Variants in ROBO1 observed in about 807,000 individuals in gnomAD.
The protein encoded by ROBO1 is roundabout homolog 1.
In ROBO1, 149 loss-of-function variants were observed where a neutral mutation model predicts 195.9. The observed-to-expected ratio is 0.76, with a 90% CI of 0.67 to 0.87. ROBO1 has a LOEUF of 0.87. ROBO1 is among the 40% of genes least tolerant of loss of function. The probability of loss-of-function intolerance (pLI) is 0.00; values close to 1 mark genes in which losing one functional copy is unlikely to be tolerated. For synonymous variants in ROBO1, 816 were observed against 733.2 expected (o/e 1.11, Z -1.82); for missense variants, 1,933 against 2,068.3 (o/e 0.93, Z 1.27).
At chr3:79,559,835 T>G (rs1279820266) in intron 2 of ROBO1, among the ~76,000 whole-genome samples, 1 of 152,098 alleles carries the variant, frequency 6.6e-6, no homozygotes, top group Non-Finnish European at 1.5e-5. Flanking sequence ...GAGAATTGCT[T>G]GAACCCGGGA....
chr3:79,001,935 T>G (rs927203242), intron 3 of ROBO1, among the ~76,000 whole-genome samples: 2 of 152,192 alleles, frequency 1.3e-5, no homozygotes, highest in Non-Finnish European at 2.9e-5. Flanking sequence ...AGAAATGCTT[T>G]TTTTTAGAAA....
intron 8 of ROBO1, among the ~76,000 whole-genome samples, chr3:78,703,628 G>A (rs1453338620): frequency 6.6e-6 from 1 of 152,008 alleles, no homozygotes; most frequent in Non-Finnish European, 1.5e-5. Context: ...AGAAGGAGAA[G>A]AAAGACACAC....
At chr3:79,516,791 T>C (rs1037818660) in intron 2 of ROBO1, among the ~76,000 whole-genome samples, 2 of 152,216 alleles carry the variant, frequency 1.3e-5, no homozygotes, top group African/African-American at 4.8e-5. Flanking sequence ...TGAATATATA[T>C]TAATTCACAT....
intron 3 of ROBO1, among the ~76,000 whole-genome samples, chr3:79,044,278 A>G (rs905724508): frequency 6.6e-6 from 1 of 152,094 alleles, no homozygotes; most frequent in African/African-American, 2.4e-5. Context: ...AAAAATGCTT[A>G]ACTTTCCACT....
intron 10 of ROBO1, among the ~76,000 whole-genome samples, chr3:78,678,703 A>C (rs969533459): frequency 1.3e-5 from 2 of 152,190 alleles, no homozygotes; most frequent in Non-Finnish European, 2.9e-5. Context: ...AACCAAAAAG[A>C]GTCCAGGACC....
chr3:79,401,196 A>T (rs1370688173), intron 2 of ROBO1, among the ~76,000 whole-genome samples: 1 of 151,766 alleles, frequency 6.6e-6, no homozygotes, highest in African/African-American at 2.4e-5. Flanking sequence ...TTAAAAAAAA[A>T]TTAGCTCTAA....
chr3:79,590,400 TG>T (rs754125888), intron 1 of ROBO1, among the ~76,000 whole-genome samples: 5 of 151,756 alleles, frequency 3.3e-5, no homozygotes, highest in African/African-American at 1.2e-4. Flanking sequence ...ACAAAAAACT[TG>T]CTCTTCACCC....
intron 3 of ROBO1, among the ~76,000 whole-genome samples, chr3:79,099,036 AT>A (rs1190022541): frequency 1.3e-5 from 2 of 151,672 alleles, no homozygotes; most frequent in African/African-American, 4.8e-5. Context: ...TATGTGACTA[AT>A]TTTTTTATAT....
At chr3:78,648,682 A>G (rs1706453550) in intron 19 of ROBO1, among the ~76,000 whole-genome samples, 1 of 127,332 alleles carries the variant, frequency 7.9e-6, no homozygotes, top group African/African-American at 3.6e-5. Context: ...TGCTCTGGTT[A>G]AAAAAAAAAA....
chr3:79,430,441 G>T (rs2107022310), intron 2 of ROBO1, among the ~76,000 whole-genome samples: 1 of 152,152 alleles, frequency 6.6e-6, no homozygotes, highest in East Asian at 1.9e-4. Flanking sequence ...AACTTAAATT[G>T]ATTTCATTTT....
intron 2 of ROBO1, among the ~76,000 whole-genome samples, chr3:79,133,884 G>C (rs2080343068): frequency 6.6e-6 from 1 of 151,036 alleles, no homozygotes; most frequent in South Asian, 2.1e-4. Flanking sequence ...CTTTCTGGTT[G>C]TTAGTTTTCC....
At chr3:79,760,257 A>AAAAAAAAAAAAAAAGAAAAAAAAAAG in intron 1 of ROBO1, among the ~76,000 whole-genome samples, 1 of 145,892 alleles carries the variant, frequency 6.9e-6, no homozygotes, top group Non-Finnish European at 1.5e-5. Flanking sequence ...AAAAAAAAAA[A>AAAAAAAAAAAAAAAGAAAAAAAAAAG]AAAAAAAAAA....
chr3:78,907,043 T>C (rs937713724), intron 4 of ROBO1, among the ~76,000 whole-genome samples: 3 of 152,068 alleles, frequency 2.0e-5, no homozygotes, highest in African/African-American at 7.2e-5. Flanking sequence ...GGAGAAGTAT[T>C]TGCATAGCCT....
At chr3:78,711,376 TTCCTTCCTTCCTTCCTTCCTTC>T (rs2081714863) in intron 8 of ROBO1, among the ~76,000 whole-genome samples, 9 of 29,004 alleles carry the variant, frequency 3.1e-4, no homozygotes, top group African/African-American at 4.4e-4. Context: ...CCTTCCTTCC[TTCCTTCCTTCCTTCCTTCCTTC>T]CTTTCTTTCT....
intron 25 of ROBO1, among the ~76,000 whole-genome samples, chr3:78,630,549 T>G (rs57799251): frequency 0.29 from 44,521 of 151,984 alleles, 6,676 homozygotes; most frequent in African/African-American, 0.32. Flanking sequence ...TTAAAGGAGT[T>G]TTCCCCCTTT....
At chr3:79,618,399 C>T (rs939039009) in intron 1 of ROBO1, among the ~76,000 whole-genome samples, 1 of 152,108 alleles carries the variant, frequency 6.6e-6, no homozygotes, top group Admixed American at 6.5e-5. Context: ...ATAGCCAATT[C>T]CTGCCTGAAC....
chr3:78,811,279 T>C (rs2084730536), intron 4 of ROBO1, among the ~76,000 whole-genome samples: 1 of 152,190 alleles, frequency 6.6e-6, no homozygotes, highest in Admixed American at 6.5e-5. Context: ...CAAATTCAAC[T>C]AAAGTTGGTT....
At chr3:78,955,718 A>T (rs1010277488) in intron 3 of ROBO1, among the ~76,000 whole-genome samples, 1 of 152,180 alleles carries the variant, frequency 6.6e-6, no homozygotes, top group Non-Finnish European at 1.5e-5. Context: ...GTGAGTTACT[A>T]ATGTCTGCAA....
At chr3:79,589,802 G>A in intron 2 of ROBO1, 22 bp downstream of exon 2, 1 of 1,585,524 alleles carries the variant, frequency 6.3e-7, no homozygotes, top group Non-Finnish European at 8.7e-7. Flanking sequence ...AAGTATTGAT[G>A]AAACAAATGC....
Sources: allele counts gnomAD v4.1 joint callset (sites outside exome capture counted in the v4.1 genomes callset), GRCh38; gene constraint gnomAD v4.1.1; transcripts MANE v1.5; gene names NCBI Gene and HGNC (gene_info 2026-07-23, HGNC 2026-07-21).